The following MAP7 variants were observed in gnomAD, a reference collection of about 807,000 sequenced individuals.
MAP7 encodes ensconsin.
In MAP7, 52 loss-of-function variants were observed where a neutral mutation model predicts 94.8. The ratio of observed to expected loss-of-function variants is 0.55; its 90% CI spans 0.44 to 0.69. The LOEUF (loss-of-function observed/expected upper bound fraction) is 0.69, where lower values mean the gene tolerates loss of function less well. Ranked by LOEUF, MAP7 falls within the 30% of genes least tolerant of loss-of-function variation. The pLI is 0.00. For synonymous variants in MAP7, 350 were observed against 357.0 expected (o/e 0.98, Z 0.22); for missense variants, 940 against 964.6 (o/e 0.97, Z 0.34).
At chr6:136,362,821 T>C in intron 10 of MAP7, 119 bp from the exon 11 acceptor site, 1 of 1,431,448 alleles carries the variant, frequency 7.0e-7, no homozygotes, top group Non-Finnish European at 9.3e-7. Flanking sequence ...AAAGGGAATG[T>C]TTATTACTGT....
At chr6:136,505,533 A>G (rs1227402919) in intron 1 of MAP7, among the ~76,000 whole-genome samples, 1 of 151,818 alleles carries the variant, frequency 6.6e-6, no homozygotes, top group Non-Finnish European at 1.5e-5. Context: ...CTATAGCTAG[A>G]CAATCGCTAG....
chr6:136,466,742 T>A (rs1807235131), intron 1 of MAP7: 1 of 1,533,446 alleles, frequency 6.5e-7, no homozygotes, highest in African/African-American at 1.4e-5. Flanking sequence ...CAAAACACAT[T>A]TTGAGCCCAA....
chr6:136,362,758 A>G (rs1793215361), intron 10 of MAP7, 56 bp from the exon 11 acceptor site: 2 of 1,506,364 alleles, frequency 1.3e-6, no homozygotes, highest in South Asian at 2.7e-5. Flanking sequence ...AAAGAACAAA[A>G]CCAAAACTAG....
chr6:136,468,849 G>A (rs935816629), intron 1 of MAP7, among the ~76,000 whole-genome samples: 5 of 152,110 alleles, frequency 3.3e-5, no homozygotes, highest in African/African-American at 1.2e-4. Flanking sequence ...TCTCACTTCC[G>A]AGCAACAAAG....
chr6:136,526,132 C>T lies in MAP7; in HGVS notation c.67+24210G>A, dbSNP rs1827781846. 5.3e-6 allele frequency: 7 copies of T among 1,320,770 alleles called. No individual in the cohort carries two copies. In the South Asian group the frequency reaches 1.5e-4, roughly 28 times the overall value. 81.8% of individuals were successfully genotyped at this position (1,320,770 alleles called of 1,614,324 possible). A position where few individuals can be genotyped will look rare whatever the true frequency, so the allele number is the denominator to read the frequency against. ...GTTTGCAAACAGCTGACAGATAGTACCAGCCACTTGGCAACTGAGGCCCTG... is the reference window on the plus strand; with the variant it reads ...GTTTGCAAACAGCTGACAGATAGTATCAGCCACTTGGCAACTGAGGCCCTG... On this transcript the variant is annotated intron_variant, in intron 1 of 17. Coordinates refer to ENST00000354570, the MANE Select transcript of MAP7 (RefSeq NM_003980.6).
chr6:136,361,001 G>C lies in MAP7; in HGVS notation c.1701+4C>G. ...GCCGGGGCCAGGGTGGGGTGCGGCC[G>C]CACCTGCCTCTGGGCGCGCTCTGCC... On this transcript the variant is annotated splice_donor_region_variant and intron_variant, in intron 12 of 17. Transcript: ENST00000354570. 6.4e-7 allele frequency: 1 copy of C among 1,563,378 alleles called. No individual in the cohort carries two copies. Among genetic ancestry groups the C allele is most frequent in the Non-Finnish European group, 8.6e-7 (1 of 1,161,932 alleles).
chr6:136,515,670 C>G (rs1047649263), intron 1 of MAP7, among the ~76,000 whole-genome samples: 1 of 152,198 alleles, frequency 6.6e-6, no homozygotes, highest in East Asian at 1.9e-4. Flanking sequence ...GTAGTCAGAA[C>G]ACACACAATA....
chr6:136,514,383 G>A (rs987591034), intron 1 of MAP7, among the ~76,000 whole-genome samples: 1 of 152,118 alleles, frequency 6.6e-6, no homozygotes, highest in Non-Finnish European at 1.5e-5. Context: ...TCAGGAGTTT[G>A]AGACCAGCCT....
At chr6:136,473,714 G>A (rs1013875480) in intron 1 of MAP7, among the ~76,000 whole-genome samples, 8 of 152,162 alleles carry the variant, frequency 5.3e-5, no homozygotes, top group African/African-American at 7.2e-5. Flanking sequence ...ATGTCTGAAG[G>A]GTAAATTCCT....
intron 1 of MAP7, among the ~76,000 whole-genome samples, chr6:136,422,777 C>T (rs1279157603): frequency 1.3e-5 from 2 of 152,120 alleles, no homozygotes; most frequent in African/African-American, 4.8e-5. Flanking sequence ...TTATATATTG[C>T]TAATTCCTAA....
intron 1 of MAP7, among the ~76,000 whole-genome samples, chr6:136,469,064 A>G (rs945144893): frequency 3.9e-5 from 6 of 152,032 alleles, no homozygotes; most frequent in African/African-American, 1.4e-4. Flanking sequence ...GAGAAAAGAG[A>G]ATAAAGGTTT....
At position 136,543,846 on chromosome 6, in the gene MAP7, C is replaced by T. The variant is rs576999582; in HGVS notation, c.67+6496G>A. ...AGAGGACTCTTTGGGATAATGTTAA[C>T]GGTGGTGCTTACATTACCTATACAG... On this transcript the variant is annotated intron_variant, in intron 1 of 17. Transcript: ENST00000354570. 9.9e-5 allele frequency among the ~76,000 whole-genome samples: 15 copies of T among 151,958 alleles called. No homozygotes were observed. The South Asian group carries it at 2.1e-3, about 21-fold the overall frequency.
intron 6 of MAP7, among the ~76,000 whole-genome samples, chr6:136,381,919 C>G (rs2206055): frequency 0.047 from 4,857 of 102,754 alleles, 169 homozygotes; most frequent in East Asian, 0.19. Flanking sequence ...CACACACACA[C>G]AGAGAGAGAG....
chr6:136,361,668 G>A (rs1217634744), intron 11 of MAP7, among the ~76,000 whole-genome samples: 2 of 152,160 alleles, frequency 1.3e-5, no homozygotes, highest in African/African-American at 4.8e-5. Context: ...CCTTCCCCAG[G>A]GTACAGTTGT....
chr6:136,429,615 T>C (rs980041926), intron 1 of MAP7, among the ~76,000 whole-genome samples: 22 of 152,190 alleles, frequency 1.4e-4, no homozygotes, highest in African/African-American at 5.1e-4. Context: ...GTTCCATATA[T>C]CTTGTGGGAA....
At chr6:136,443,260 A>G (rs1452197504) in intron 1 of MAP7, among the ~76,000 whole-genome samples, 2 of 152,140 alleles carry the variant, frequency 1.3e-5, no homozygotes, top group African/African-American at 4.8e-5. Context: ...TAATTAAAGG[A>G]AATGCTCAAT....
chr6:136,421,769 T>G lies in MAP7; in HGVS notation c.98A>C (p.Lys33Thr). 6.2e-7 allele frequency: 1 copy of G among 1,613,906 alleles called. No homozygotes were observed. The highest frequency in any genetic ancestry group is 8.5e-7 in the Non-Finnish European group (1 of 1,179,930). Residue 33 changes from lysine to threonine, a missense_variant, in exon 2 of 18, where the codon AAA (lysine) becomes ACA (threonine). Physicochemically the swap from Lys to Thr is moderately conservative, Grantham distance 78. Transcript: ENST00000354570. ...AGAGGCAGGGCGGCTGGAGGCATTT[T>G]TCTTATCTTGCACTTTGTAGCTGTC... ...APDSYKVQDKKNASSRPASAI... is the reference protein window; with the variant it reads ...APDSYKVQDKTNASSRPASAI...
chr6:136,487,629 A>T (rs1348235194), intron 1 of MAP7, among the ~76,000 whole-genome samples: 1 of 152,158 alleles, frequency 6.6e-6, no homozygotes, highest in African/African-American at 2.4e-5. Flanking sequence ...GGATTGCTTA[A>T]GCCCAGGAGT....
intron 3 of MAP7, among the ~76,000 whole-genome samples, chr6:136,393,632 A>G (rs1781417660): frequency 1.3e-5 from 2 of 151,820 alleles, no homozygotes; most frequent in South Asian, 2.1e-4. Context: ...TCTTCTATCT[A>G]TGTATCTATC....
Sources: allele counts gnomAD v4.1 joint callset (sites outside exome capture counted in the v4.1 genomes callset), GRCh38; gene constraint gnomAD v4.1.1; transcripts MANE v1.5; gene names NCBI Gene and HGNC (gene_info 2026-07-23, HGNC 2026-07-21).